The following SLC17A3 variants were observed in gnomAD, a reference collection of about 807,000 sequenced individuals.
SLC17A3 encodes sodium-dependent phosphate transport protein 4.
Under a neutral mutation model 60.3 loss-of-function variants are expected in SLC17A3, and 61 were observed. The observed-to-expected ratio is 1.01, with a 90% CI of 0.82 to 1.25. SLC17A3 has a LOEUF of 1.25. Ranked by LOEUF, SLC17A3 falls within the 50% of genes most tolerant of loss-of-function variation. The pLI, the probability that SLC17A3 is intolerant of heterozygous loss-of-function variation, is 0.00. For missense variants in SLC17A3, 624 were observed against 594.9 expected (o/e 1.05, Z -0.51); for synonymous variants, 192 against 208.9 (o/e 0.92, Z 0.70).
In SLC17A3 at chr6:25,863,201, G is replaced by A. The variant is rs543946984; in HGVS notation, c.92-757C>T. On this transcript the variant is annotated intron_variant, in intron 2 of 12. Transcript: ENST00000397060. ...AAATGTAGTAAAACATAGGGAAATC[G>A]GCATTTATGGTTGAAATTAAAGAAC... Among the ~76,000 whole-genome samples, 8 of 152,002 alleles carry A rather than the reference G, an allele frequency of 5.3e-5. No homozygotes were observed. The South Asian group carries it at 6.2e-4, about 12-fold the overall frequency.
At chr6:25,864,362 C>T (rs1765501741) in intron 2 of SLC17A3, among the ~76,000 whole-genome samples, 1 of 151,874 alleles carries the variant, frequency 6.6e-6, no homozygotes. Context: ...ATCTCTTTGG[C>T]TGCAGAAATG....
intron 1 of SLC17A3, among the ~76,000 whole-genome samples, chr6:25,872,217 T>C (rs1765654709): frequency 6.6e-6 from 1 of 151,800 alleles, no homozygotes; most frequent in Admixed American, 6.6e-5. Flanking sequence ...CTCTTGTATC[T>C]ATATGGTGGG....
chr6:25,858,134 A>G (rs1478423479), intron 5 of SLC17A3, among the ~76,000 whole-genome samples: 2 of 151,938 alleles, frequency 1.3e-5, no homozygotes, highest in Non-Finnish European at 2.9e-5. Flanking sequence ...TCATGACTCA[A>G]CCTCCTGAGT....
chr6:25,849,731 T>C, intron 10 of SLC17A3, 74 bp downstream of exon 10: 1 of 1,531,134 alleles, frequency 6.5e-7, no homozygotes, highest in Non-Finnish European at 9.0e-7. Flanking sequence ...TTCCTAAGTT[T>C]GGGGATCCCA....
chr6:25,860,743 G>A (rs540464320), intron 5 of SLC17A3, among the ~76,000 whole-genome samples: 1 of 152,230 alleles, frequency 6.6e-6, no homozygotes, highest in Non-Finnish European at 1.5e-5. Flanking sequence ...ACTCAGAAAG[G>A]GAGTTGCTAC....
At chr6:25,847,656 G>C (rs2151518165) in intron 11 of SLC17A3, among the ~76,000 whole-genome samples, 1 of 152,150 alleles carries the variant, frequency 6.6e-6, no homozygotes, top group Middle Eastern at 3.4e-3. Flanking sequence ...TTTCTCTAAT[G>C]ATCAGTGATA....
At chr6:25,853,177 C>A (rs546098409) in intron 6 of SLC17A3, among the ~76,000 whole-genome samples, 2 of 152,194 alleles carry the variant, frequency 1.3e-5, no homozygotes, top group African/African-American at 2.4e-5. Context: ...GCACCGTCCT[C>A]AGCCTTCACC....
intron 6 of SLC17A3, among the ~76,000 whole-genome samples, chr6:25,852,753 C>A (rs1002685766): frequency 3.3e-5 from 5 of 152,048 alleles, no homozygotes; most frequent in African/African-American, 4.8e-5. Context: ...TATTTCAATG[C>A]CCTTGTTTAC....
intron 2 of SLC17A3, among the ~76,000 whole-genome samples, chr6:25,863,009 T>C: frequency 6.6e-6 from 1 of 151,782 alleles, no homozygotes; most frequent in East Asian, 1.9e-4. Flanking sequence ...TTGAAGAGAG[T>C]TGTCCATTGG....
At chr6:25,859,220 A>G (rs1174138394) in intron 5 of SLC17A3, among the ~76,000 whole-genome samples, 2 of 152,202 alleles carry the variant, frequency 1.3e-5, no homozygotes, top group Non-Finnish European at 2.9e-5. Context: ...ATATAAAAGG[A>G]TATGAAGACC....
chr6:25,858,867 T>A (rs1765402432), intron 5 of SLC17A3, among the ~76,000 whole-genome samples: 1 of 152,234 alleles, frequency 6.6e-6, no homozygotes, highest in Non-Finnish European at 1.5e-5. Context: ...TAGGTTGATA[T>A]CACATGTATT....
Position 25,845,075 on chromosome 6 carries a change from T to G in SLC17A3, c.*226A>C, listed in dbSNP as rs1765149342. The stretch of plus-strand genomic sequence containing the variant: ...ACAGCAAGCCCTCTTAATCCATTGT[T>G]AATTCTATGAAGATGACAACTGCAT... On this transcript the variant is annotated 3_prime_UTR_variant, in exon 13 of 13. Transcript: ENST00000397060. The G allele has an allele frequency of 5.9e-6, 2 of 336,990 alleles. No individual in the cohort carries two copies. The highest frequency in any genetic ancestry group is 1.1e-5 in the Non-Finnish European group (2 of 176,984). The allele number at this position is 336,990 out of a possible 1,614,324, so 20.9% of individuals were successfully genotyped here. A position where few individuals can be genotyped will look rare whatever the true frequency, so the allele number is the denominator to read the frequency against.
chr6:25,857,153 C>T (rs1426924867), intron 5 of SLC17A3, among the ~76,000 whole-genome samples: 1 of 151,154 alleles, frequency 6.6e-6, no homozygotes, highest in African/African-American at 2.4e-5. Flanking sequence ...CATGCCACTG[C>T]ACTGTAGCCT....
rs376483140 is a variant in SLC17A3 at position 25,861,983 on chromosome 6, C to T, written c.350G>A (p.Gly117Asp). 220 of 1,611,430 alleles carry T rather than the reference C, an allele frequency of 1.4e-4. No individual in the cohort carries two copies. Among genetic ancestry groups the T allele is most frequent in the Middle Eastern group, 6.6e-4 (4 of 6,082 alleles). ...WSPQIQGIIF[G>D]AVGYGGILTM... is the part of the protein sequence containing the mutation. Reference sequence around the variant, plus strand: ...CAGTATGCCACCATAGCCAACAGCACCAAAGATGATGCCTTGGATTTGAGG... The same window carrying T: ...CAGTATGCCACCATAGCCAACAGCATCAAAGATGATGCCTTGGATTTGAGG... Residue 117 changes from glycine to aspartate, a missense_variant, in exon 4 of 13, where the codon GGT becomes GAT. Gly to Asp is a moderately conservative substitution (Grantham distance 94, BLOSUM62 -1). Transcript: ENST00000397060.
At chr6:25,850,960 A>G in intron 6 of SLC17A3, 83 bp from the exon 7 acceptor site, 1 of 1,015,174 alleles carries the variant, frequency 9.9e-7, no homozygotes, top group South Asian at 1.3e-5. Flanking sequence ...ATTTTCTGTT[A>G]TAAGTTCTAG....
chr6:25,861,815 A>G lies in SLC17A3; in HGVS notation c.518T>C (p.Ile173Thr). 6.2e-7 allele frequency: 1 copy of G among 1,613,654 alleles called. No individual in the cohort carries two copies. Among genetic ancestry groups the G allele is most frequent in the Non-Finnish European group, 8.5e-7 (1 of 1,179,668 alleles). The change falls in exon 4 of 13, where the codon ATA (isoleucine) becomes ACA (threonine). Residue 173 changes from isoleucine to threonine, a missense_variant. Transcript: ENST00000397060. Reference sequence around the variant, plus strand: ...GGGTACCTGGCTTAGGCCCTGGACTATTCGAGTTACAATGAGCAAGACTAT... The same window carrying G: ...GGGTACCTGGCTTAGGCCCTGGACTGTTCGAGTTACAATGAGCAAGACTAT... ...FGIVLLIVTR[I>T]VQGLSQSSIL...
intron 2 of SLC17A3, among the ~76,000 whole-genome samples, chr6:25,863,994 A>G (rs1208837351): frequency 6.6e-6 from 1 of 152,106 alleles, no homozygotes; most frequent in Non-Finnish European, 1.5e-5. Context: ...CAAATAATGT[A>G]TTAGAAGGTG....
At chr6:25,856,160 A>G (rs925483975) in intron 5 of SLC17A3, among the ~76,000 whole-genome samples, 17 of 152,202 alleles carry the variant, frequency 1.1e-4, no homozygotes, top group African/African-American at 4.1e-4. Flanking sequence ...TAAATTGCCA[A>G]AAATATTGGG....
intron 11 of SLC17A3, among the ~76,000 whole-genome samples, chr6:25,845,974 T>A (rs1377345695): frequency 6.6e-6 from 1 of 152,192 alleles, no homozygotes; most frequent in Non-Finnish European, 1.5e-5. Context: ...TAAAATTCAA[T>A]TTTCACAACT....
Sources: gnomAD v4.1 joint callset for allele counts (sites outside exome capture counted in the v4.1 genomes callset) on GRCh38, gnomAD v4.1.1 for gene constraint, MANE v1.5 for transcripts, NCBI Gene and HGNC (gene_info 2026-07-23, HGNC 2026-07-21) for gene names.